KHDRBS2: variants seen among roughly 807,000 people sequenced by gnomAD.
KHDRBS2 encodes KH domain-containing, RNA-binding, signal transduction-associated protein 2.
KHDRBS2 carries 26 observed loss-of-function variants against 44.3 expected under a neutral mutation model. The observed-to-expected ratio is 0.59, with a 90% CI of 0.43 to 0.81. The LOEUF is 0.81. Ranked by LOEUF, KHDRBS2 falls within the 40% of genes least tolerant of loss-of-function variation. The pLI is 0.00. For missense variants in KHDRBS2, 476 were observed against 433.1 expected (o/e 1.10, Z -0.88); for synonymous variants, 194 against 151.1 (o/e 1.28, Z -2.08).
At chr6:61,791,226 G>T (rs1409882014) in intron 6 of KHDRBS2, among the ~76,000 whole-genome samples, 1 of 150,732 alleles carries the variant, frequency 6.6e-6, no homozygotes, top group Non-Finnish European at 1.5e-5. Flanking sequence ...GCCTCACTCC[G>T]GAATGTTTCT....
chr6:61,896,078 G>T (rs990832333), intron 5 of KHDRBS2, among the ~76,000 whole-genome samples: 17 of 152,108 alleles, frequency 1.1e-4, no homozygotes, highest in Non-Finnish European at 2.1e-4. Context: ...AGTGCTGGCT[G>T]CAAGTACAAC....
At chr6:62,218,737 A>G (rs1277404894) in intron 1 of KHDRBS2, among the ~76,000 whole-genome samples, 1 of 151,910 alleles carries the variant, frequency 6.6e-6, no homozygotes, top group Non-Finnish European at 1.5e-5. Context: ...TTATCACAAC[A>G]CTGTTCACAG....
chr6:62,219,872 AT>A (rs1235625576), intron 1 of KHDRBS2, among the ~76,000 whole-genome samples: 164 of 147,646 alleles, frequency 1.1e-3, no homozygotes, highest in Non-Finnish European at 2.0e-3. Flanking sequence ...GCATAGTTTT[AT>A]ATATATAACT....
intron 6 of KHDRBS2, among the ~76,000 whole-genome samples, chr6:61,792,702 C>G (rs1276434585): frequency 2.0e-5 from 3 of 151,848 alleles, no homozygotes; most frequent in Non-Finnish European, 2.9e-5. Flanking sequence ...TCAAGCCCCT[C>G]TTCTTCAAAT....
chr6:61,857,516 T>G (rs1796314910), intron 6 of KHDRBS2, among the ~76,000 whole-genome samples: 1 of 151,976 alleles, frequency 6.6e-6, no homozygotes, highest in Admixed American at 6.6e-5. Context: ...CAAAATAATA[T>G]TCTCTGGGTT....
intron 2 of KHDRBS2, among the ~76,000 whole-genome samples, chr6:62,126,093 C>G (rs1808895462): frequency 1.3e-5 from 2 of 152,122 alleles, no homozygotes; most frequent in Non-Finnish European, 2.9e-5. Context: ...TGAACGTGCC[C>G]TGGGCCAGCA....
intron 4 of KHDRBS2, among the ~76,000 whole-genome samples, chr6:61,906,939 T>C (rs1805145098): frequency 6.6e-6 from 1 of 152,058 alleles, no homozygotes; most frequent in South Asian, 2.1e-4. Context: ...GTGGAACTGC[T>C]AGATCATATG....
chr6:62,052,471 A>C (rs1037454578), intron 2 of KHDRBS2, among the ~76,000 whole-genome samples: 4 of 151,718 alleles, frequency 2.6e-5, no homozygotes, highest in African/African-American at 4.8e-5. Flanking sequence ...GGAAATAAGG[A>C]AACGTAAGTC....
At chr6:61,603,168 C>A in the KHDRBS2 span, among the ~76,000 whole-genome samples, 1 of 152,128 alleles carries the variant, frequency 6.6e-6, no homozygotes, top group Non-Finnish European at 1.5e-5. Context: ...CTTTTAAAGC[C>A]TATAAACTCT....
intron 2 of KHDRBS2, among the ~76,000 whole-genome samples, chr6:62,146,238 C>T (rs1273034064): frequency 6.6e-6 from 1 of 151,728 alleles, no homozygotes; most frequent in Admixed American, 6.6e-5. Flanking sequence ...CTCCTAAAAA[C>T]AAAACAAAAC....
At chr6:62,073,827 G>T (rs1342542322) in intron 2 of KHDRBS2, among the ~76,000 whole-genome samples, 3 of 151,570 alleles carry the variant, frequency 2.0e-5, no homozygotes, top group Admixed American at 6.6e-5. Context: ...GACATTAGTT[G>T]TCAACAATCT....
At chr6:61,939,740 C>A (rs1285524499) in intron 4 of KHDRBS2, among the ~76,000 whole-genome samples, 1 of 152,130 alleles carries the variant, frequency 6.6e-6, no homozygotes, top group Non-Finnish European at 1.5e-5. Context: ...TAGAATTATT[C>A]AATGTGAATT....
chr6:61,635,372 T>C, the KHDRBS2 span, among the ~76,000 whole-genome samples: 2 of 151,950 alleles, frequency 1.3e-5, no homozygotes, highest in African/African-American at 2.4e-5. Context: ...AGTTGCTTCT[T>C]TTTCTCCCTA....
intron 4 of KHDRBS2, among the ~76,000 whole-genome samples, chr6:61,927,113 T>C (rs1358693938): frequency 6.6e-6 from 1 of 151,972 alleles, no homozygotes; most frequent in Admixed American, 6.6e-5. Context: ...TGTCAATGAA[T>C]AGCTGGGTAA....
intron 3 of KHDRBS2, among the ~76,000 whole-genome samples, chr6:61,995,633 C>T (rs1309517048): frequency 3.9e-5 from 6 of 151,998 alleles, no homozygotes; most frequent in Non-Finnish European, 8.8e-5. Context: ...ATCTCATGTG[C>T]AAAAGTCAGG....
At chr6:62,206,449 T>C (rs1285983999) in intron 1 of KHDRBS2, among the ~76,000 whole-genome samples, 1 of 152,136 alleles carries the variant, frequency 6.6e-6, no homozygotes, top group Admixed American at 6.6e-5. Flanking sequence ...AGGCCACTTG[T>C]GTTTAGAAAA....
At chr6:61,726,727 A>G (rs893337582) in intron 7 of KHDRBS2, among the ~76,000 whole-genome samples, 1 of 152,124 alleles carries the variant, frequency 6.6e-6, no homozygotes, top group Admixed American at 6.6e-5. Flanking sequence ...GAAGTGACGG[A>G]TCTCTTCAAA....
intron 4 of KHDRBS2, among the ~76,000 whole-genome samples, chr6:61,923,946 A>T (rs548285658): frequency 3.3e-5 from 5 of 152,258 alleles, no homozygotes; most frequent in Non-Finnish European, 4.4e-5. Flanking sequence ...TTAGTAAATA[A>T]ATTCATCAAT....
chr6:62,098,211 T>A lies in KHDRBS2; in HGVS notation c.220-50217A>T, dbSNP rs140823141. On this transcript the variant is annotated intron_variant, in intron 2 of 8. Transcript: ENST00000281156. The stretch of plus-strand genomic sequence containing the variant: ...GAGTATTATGAATTTGTTCATATAC[T>A]TACTCTTACCAGTGAGTTTTATAGC... Among the ~76,000 whole-genome samples, 198 of 151,980 alleles carry A rather than the reference T, an allele frequency of 1.3e-3. 2 individuals carry two copies. Among genetic ancestry groups the A allele is most frequent in the African/African-American group, 4.4e-3 (184 of 41,498 alleles).
Sources: allele counts gnomAD v4.1 joint callset (sites outside exome capture counted in the v4.1 genomes callset), GRCh38; gene constraint gnomAD v4.1.1; transcripts MANE v1.5; gene names NCBI Gene and HGNC (gene_info 2026-07-23, HGNC 2026-07-21).